The following GPC3 variants were observed in gnomAD, a reference collection of about 807,000 sequenced individuals.
GPC3 encodes glypican 3, also known as glypican-3.
In GPC3, 3 loss-of-function variants were observed where a neutral mutation model predicts 34.4. That is an observed-to-expected ratio of 0.09 (90% CI 0.04 to 0.23). GPC3 has a LOEUF of 0.23. GPC3 is among the 10% of genes least tolerant of loss of function. GPC3 has a pLI of 1.00. For synonymous variants in GPC3, 177 were observed against 174.0 expected (o/e 1.02, Z -0.13); for missense variants, 351 against 445.6 (o/e 0.79, Z 1.91).
At chrX:133,841,215 A>ATTTTTTTTTTTATTTTTTTTTTTTTTTT (rs2075822568) in intron 2 of GPC3, among the ~76,000 whole-genome samples, 1 of 39,246 alleles carries the variant, frequency 2.5e-5, no homozygotes, top group Non-Finnish European at 5.4e-5. Context: ...TAATCTTTTA[A>ATTTTTTTTTTTATTTTTTTTTTTTTTTT]TTTTTTTTTT....
chrX:133,952,022 TG>T (rs1360881565), intron 2 of GPC3, among the ~76,000 whole-genome samples: 2 of 111,018 alleles, frequency 1.8e-5, no homozygotes, highest in Non-Finnish European at 3.8e-5. Context: ...AAGAAAAAGG[TG>T]GCTGATTCCC....
chrX:133,558,361 G>A (rs1181853196), intron 7 of GPC3, among the ~76,000 whole-genome samples: 3 of 108,193 alleles, frequency 2.8e-5, no homozygotes, highest in Admixed American at 2.0e-4. Flanking sequence ...AGGGTGCAGG[G>A]CCCTGAGAAC....
chrX:133,812,062 C>G (rs1033189031), intron 2 of GPC3, among the ~76,000 whole-genome samples: 5 of 111,902 alleles, frequency 4.5e-5, no homozygotes, highest in Non-Finnish European at 9.4e-5. Context: ...TGTGAAGACC[C>G]AAAGACATAT....
chrX:133,565,652 T>A (rs1348365536), intron 7 of GPC3, among the ~76,000 whole-genome samples: 1 of 112,433 alleles, frequency 8.9e-6, no homozygotes, highest in Non-Finnish European at 1.9e-5. Context: ...ATTATATGCA[T>A]GCAACTGACT....
intron 5 of GPC3, among the ~76,000 whole-genome samples, chrX:133,683,478 G>A (rs2070966437): frequency 1.8e-5 from 2 of 111,890 alleles, no homozygotes; most frequent in South Asian, 7.6e-4. Flanking sequence ...TGAGGGTGTG[G>A]ATATGCTGGG....
intron 2 of GPC3, among the ~76,000 whole-genome samples, chrX:133,871,059 A>T (rs2075992180): frequency 9.0e-6 from 1 of 110,693 alleles, no homozygotes; most frequent in Non-Finnish European, 1.9e-5. Context: ...TAATTCCTGG[A>T]TTTCTCTATA....
chrX:133,806,943 C>T (rs1011754437), intron 2 of GPC3, among the ~76,000 whole-genome samples: 5 of 111,817 alleles, frequency 4.5e-5, no homozygotes, highest in African/African-American at 1.6e-4. Flanking sequence ...CCACCGCACC[C>T]GGCCAAGATC....
chrX:133,834,338 AG>A (rs2075790053), intron 2 of GPC3, among the ~76,000 whole-genome samples: 1 of 112,035 alleles, frequency 8.9e-6, no homozygotes, highest in Admixed American at 9.5e-5. Context: ...TGGAGAAAAA[AG>A]CAGATTCACG....
chrX:133,729,232 A>C (rs1333021338), intron 3 of GPC3, among the ~76,000 whole-genome samples: 1 of 111,399 alleles, frequency 9.0e-6, no homozygotes, highest in Non-Finnish European at 1.9e-5. Context: ...GGTACTGCTC[A>C]GAACATGTAT....
chrX:133,958,775 A>C (rs2076429157), intron 1 of GPC3, among the ~76,000 whole-genome samples: 1 of 103,048 alleles, frequency 9.7e-6, no homozygotes, highest in Non-Finnish European at 2.0e-5. Context: ...AATCCCAGCT[A>C]CTCCGGAGGT....
Position 133,779,773 on chromosome X carries a change from T to A in GPC3, c.338-25597A>T, listed in dbSNP as rs7065940. On this transcript the variant is annotated intron_variant, in intron 2 of 7. Transcript: ENST00000370818. Reference sequence around the variant, plus strand: ...AAAAACAGAAGGTGGGTCATATCCATCATTTTTGTTATTTAAAGTTTTTCT... The same window carrying A: ...AAAAACAGAAGGTGGGTCATATCCAACATTTTTGTTATTTAAAGTTTTTCT... 6.3e-3 allele frequency among the ~76,000 whole-genome samples: 691 copies of A among 109,935 alleles called. 8 individuals carry two copies. The highest frequency in any genetic ancestry group is 0.021 in the African/African-American group (640 of 30,195).
chrX:133,905,144 A>T (rs906075937), intron 2 of GPC3, among the ~76,000 whole-genome samples: 2 of 112,443 alleles, frequency 1.8e-5, no homozygotes, highest in African/African-American at 6.5e-5. Context: ...TTGGAAAACC[A>T]TATAATCAAG....
chrX:133,889,831 C>CTTTTTTTTTTTTTTTTT (rs781203121), intron 2 of GPC3, among the ~76,000 whole-genome samples: 25 of 75,796 alleles, frequency 3.3e-4, no homozygotes, highest in African/African-American at 1.1e-3. Context: ...TTCTAGCCTT[C>CTTTTTTTTTTTTTTTTT]TTTTTTTTTT....
intron 2 of GPC3, among the ~76,000 whole-genome samples, chrX:133,892,645 T>C (rs1377191290): frequency 1.8e-5 from 2 of 110,051 alleles, no homozygotes; most frequent in Non-Finnish European, 1.9e-5. Flanking sequence ...AGTATTCCTA[T>C]GGTGACACCC....
intron 5 of GPC3, among the ~76,000 whole-genome samples, chrX:133,686,587 C>A (rs1360850659): frequency 9.0e-6 from 1 of 110,756 alleles, no homozygotes; most frequent in Non-Finnish European, 1.9e-5. Flanking sequence ...TTGTTGCTTG[C>A]CAGGGGCTGG....
chrX:133,578,313 T>C (rs1040931793), intron 7 of GPC3, among the ~76,000 whole-genome samples: 4 of 111,668 alleles, frequency 3.6e-5, no homozygotes, highest in African/African-American at 1.3e-4. Context: ...CCCAGAGAGT[T>C]TTCCAAAATG....
At chrX:133,664,488 T>C (rs1044166899) in intron 5 of GPC3, among the ~76,000 whole-genome samples, 6 of 110,576 alleles carry the variant, frequency 5.4e-5, no homozygotes, top group Non-Finnish European at 7.5e-5. Context: ...AAAGCTGGAC[T>C]ACATTTTAAT....
chrX:133,872,983 G>A (rs766011869), intron 2 of GPC3, among the ~76,000 whole-genome samples: 36 of 112,834 alleles, frequency 3.2e-4, no homozygotes, highest in Non-Finnish European at 5.4e-4. Flanking sequence ...CACCTACAAA[G>A]AAAGCTTAAA....
intron 2 of GPC3, among the ~76,000 whole-genome samples, chrX:133,760,337 C>G (rs2071774763): frequency 8.9e-6 from 1 of 112,035 alleles, no homozygotes; most frequent in African/African-American, 3.2e-5. Flanking sequence ...AAACCTAGTG[C>G]TTATAGCAGT....
Sources: allele counts gnomAD v4.1 joint callset (sites outside exome capture counted in the v4.1 genomes callset), GRCh38; gene constraint gnomAD v4.1.1; transcripts MANE v1.5; gene names NCBI Gene and HGNC (gene_info 2026-07-23, HGNC 2026-07-21).